The following ERG variants were observed in gnomAD, a reference collection of about 807,000 sequenced individuals.
ERG encodes the protein transcriptional regulator ERG.
A neutral mutation model predicts 55.3 loss-of-function variants in ERG; 9 were observed. The observed-to-expected ratio is 0.16, with a 90% CI of 0.10 to 0.28. ERG has a LOEUF of 0.28. ERG is among the 10% of genes least tolerant of loss of function. ERG has a pLI of 1.00. For missense variants in ERG, 434 were observed against 631.6 expected, an observed-to-expected ratio of 0.69 and a Z score of 3.35; for synonymous variants, 223 against 237.3, an observed-to-expected ratio of 0.94 and a Z score of 0.55.
At chr21:38,641,771 T>C (rs1486887603) in intron 1 of ERG, among the ~76,000 whole-genome samples, 3 of 152,166 alleles carry the variant, frequency 2.0e-5, no homozygotes, top group Non-Finnish European at 4.4e-5. Flanking sequence ...TGTCAGTCTA[T>C]ATCAAAAGAT....
At chr21:38,661,082 A>C (rs1213194199) in intron 1 of ERG, among the ~76,000 whole-genome samples, 3 of 150,018 alleles carry the variant, frequency 2.0e-5, no homozygotes, top group Non-Finnish European at 1.5e-5. Context: ...CGGAGGAGAG[A>C]GTCCGGCCCC....
chr21:38,498,839 C>T (rs2059400538), upstream of ERG, among the ~76,000 whole-genome samples: 1 of 152,148 alleles, frequency 6.6e-6, no homozygotes, highest in African/African-American at 2.4e-5. The surrounding 1 kb of genome is among the most constrained non-coding windows in gnomAD (Gnocchi z 4.6). Flanking sequence ...TGGGTGTCAG[C>T]CCTTCGCAGC....
At chr21:38,550,892 G>A (rs1473811393) in intron 2 of ERG, among the ~76,000 whole-genome samples, 1 of 152,224 alleles carries the variant, frequency 6.6e-6, no homozygotes, top group East Asian at 1.9e-4. Flanking sequence ...GGAATTGACA[G>A]ACGATTAATG....
At chr21:38,394,553 G>A (rs1047067586) in intron 6 of ERG, among the ~76,000 whole-genome samples, 3 of 151,964 alleles carry the variant, frequency 2.0e-5, no homozygotes, top group Admixed American at 6.5e-5. Context: ...AGGGTCTCAT[G>A]CTGTTAGCCA....
intron 1 of ERG, among the ~76,000 whole-genome samples, chr21:38,458,191 C>T (rs1478805301): frequency 1.3e-5 from 2 of 152,192 alleles, no homozygotes; most frequent in African/African-American, 4.8e-5. Flanking sequence ...TTTTGGAGGC[C>T]AAGACGGGCA....
intron 2 of ERG, among the ~76,000 whole-genome samples, chr21:38,573,609 T>C (rs532977292): frequency 2.2e-4 from 34 of 152,262 alleles, no homozygotes; most frequent in South Asian, 1.0e-3. Context: ...ACATAGATTC[T>C]TTTGCTCACA....
At chr21:38,367,926 C>G in the ERG span, among the ~76,000 whole-genome samples, 1 of 152,148 alleles carries the variant, frequency 6.6e-6, no homozygotes, top group African/African-American at 2.4e-5. Flanking sequence ...ACTGCTCCAA[C>G]AGGGGCATGC....
At chr21:38,596,331 CAA>C (rs2060131405) in intron 1 of ERG, among the ~76,000 whole-genome samples, 1 of 152,110 alleles carries the variant, frequency 6.6e-6, no homozygotes, top group Non-Finnish European at 1.5e-5. Context: ...CAAATGAACA[CAA>C]ATTCAAACTC....
intron 2 of ERG, among the ~76,000 whole-genome samples, chr21:38,517,361 C>T (rs527537419): frequency 9.3e-4 from 141 of 152,066 alleles, no homozygotes; most frequent in African/African-American, 3.3e-3. Flanking sequence ...AAAAAAAATA[C>T]TCAATATCAC....
intron 1 of ERG, among the ~76,000 whole-genome samples, chr21:38,655,732 T>C (rs914921893): frequency 5.3e-5 from 8 of 152,190 alleles, no homozygotes; most frequent in Non-Finnish European, 1.2e-4. Context: ...GTCATGGTTT[T>C]AAGAAGTGAA....
At position 38,476,655 on chromosome 21, in the gene ERG, C is replaced by T. The variant is rs564398678; in HGVS notation, c.18+21708G>A. Reference sequence around the variant, plus strand: ...AACTGGAGAGCAATTAACCTTCACCCGACAAGCTCTGTCCAACCGTTATAA... The same window carrying T: ...AACTGGAGAGCAATTAACCTTCACCTGACAAGCTCTGTCCAACCGTTATAA... On this transcript the variant is annotated intron_variant, in intron 1 of 9. Transcript: ENST00000288319. Among the ~76,000 whole-genome samples the T allele has an allele frequency of 4.6e-5, 7 of 152,272 alleles. No homozygotes were observed. In the East Asian group the frequency reaches 5.8e-4, roughly 13 times the overall value.
At chr21:38,632,918 A>G (rs993336040) in intron 1 of ERG, among the ~76,000 whole-genome samples, 3 of 152,248 alleles carry the variant, frequency 2.0e-5, no homozygotes, top group African/African-American at 7.2e-5. Flanking sequence ...ACTGAGATAG[A>G]TATTTGCATA....
At position 38,631,329 on chromosome 21, in the gene ERG, T is replaced by C. The variant is rs138204517; in HGVS notation, c.-150+30329A>G. ...ATACTCACATGGTTAAGAGAGAGAATAGGAGTTCTATGAGTCACAGAAAAT... is the reference window on the plus strand; with the variant it reads ...ATACTCACATGGTTAAGAGAGAGAACAGGAGTTCTATGAGTCACAGAAAAT... On this transcript the variant is annotated intron_variant, in intron 1 of 10. Coordinates refer to the ERG transcript ENST00000398910. Among the ~76,000 whole-genome samples, 7 of 152,020 alleles carry C rather than the reference T, an allele frequency of 4.6e-5. No individual in the cohort carries two copies. The East Asian group carries it at 1.4e-3, about 29-fold the overall frequency.
intron 1 of ERG, among the ~76,000 whole-genome samples, chr21:38,629,590 GA>G (rs370182868): frequency 5.3e-5 from 8 of 152,052 alleles, no homozygotes; most frequent in Non-Finnish European, 7.4e-5. Flanking sequence ...ATGGCCAGTA[GA>G]AAAAAAATAT....
intron 1 of ERG, among the ~76,000 whole-genome samples, chr21:38,448,790 G>A (rs1335424115): frequency 6.6e-6 from 1 of 152,192 alleles, no homozygotes; most frequent in East Asian, 1.9e-4. Flanking sequence ...ACACGCTGCT[G>A]CATAGGGCCC....
intron 1 of ERG, among the ~76,000 whole-genome samples, chr21:38,581,045 C>T (rs1056906421): frequency 6.6e-6 from 1 of 152,206 alleles, no homozygotes; most frequent in Non-Finnish European, 1.5e-5. Context: ...GGGAAACACA[C>T]ACAAGATCTT....
At chr21:38,572,591 T>C (rs905842874) in intron 2 of ERG, among the ~76,000 whole-genome samples, 2 of 152,152 alleles carry the variant, frequency 1.3e-5, no homozygotes, top group African/African-American at 4.8e-5. Context: ...CGAATTCTAA[T>C]TGGTGGGATT....
intron 1 of ERG, among the ~76,000 whole-genome samples, chr21:38,577,562 C>T (rs1345161078): frequency 1.3e-5 from 2 of 152,102 alleles, no homozygotes; most frequent in Non-Finnish European, 2.9e-5. Context: ...TGACCAGGCT[C>T]CTGGTGCTCT....
At chr21:38,550,159 T>C (rs2059814960) in intron 2 of ERG, among the ~76,000 whole-genome samples, 1 of 152,152 alleles carries the variant, frequency 6.6e-6, no homozygotes. Context: ...CGGAAACCTT[T>C]TGACCTGGTT....
Sources: gnomAD v4.1 joint callset for allele counts (sites outside exome capture counted in the v4.1 genomes callset) on GRCh38, gnomAD v4.1.1 for gene constraint, Gnocchi (gnomAD v3.1) non-coding constraint, MANE v1.5 for transcripts, NCBI Gene and HGNC (gene_info 2026-07-23, HGNC 2026-07-21) for gene names.